Variants in CADM1 observed in about 807,000 individuals in gnomAD.
CADM1 encodes the protein TSLC-1.
CADM1 carries 15 observed loss-of-function variants against 53.1 expected under a neutral mutation model. That is an observed-to-expected ratio of 0.28 (90% CI 0.19 to 0.44). CADM1 has a LOEUF of 0.44. Ranked by LOEUF, CADM1 falls within the 20% of genes least tolerant of loss-of-function variation. The pLI is 1.00. For synonymous variants in CADM1, 281 were observed against 243.0 expected (o/e 1.16, Z -1.45); for missense variants, 434 against 611.3 (o/e 0.71, Z 3.06).
intron 1 of CADM1, among the ~76,000 whole-genome samples, chr11:115,468,793 A>G (rs988682134): frequency 2.6e-5 from 4 of 152,186 alleles, no homozygotes; most frequent in Non-Finnish European, 1.5e-5. Flanking sequence ...GACATACCTG[A>G]GACTAGGTAA....
intron 1 of CADM1, among the ~76,000 whole-genome samples, chr11:115,329,169 T>C (rs992442868): frequency 5.3e-5 from 8 of 152,016 alleles, no homozygotes; most frequent in African/African-American, 1.9e-4. Flanking sequence ...GTTTTCTAGT[T>C]AGAAAAAAAA....
At chr11:115,469,688 T>TC (rs11390594) in intron 1 of CADM1, among the ~76,000 whole-genome samples, 21 of 149,604 alleles carry the variant, frequency 1.4e-4, no homozygotes, top group East Asian at 5.9e-4. Context: ...TTTTTTTTTT[T>TC]CGAGACAGAG....
At chr11:115,445,548 C>G (rs1214892603) in intron 1 of CADM1, among the ~76,000 whole-genome samples, 3 of 151,534 alleles carry the variant, frequency 2.0e-5, no homozygotes, top group African/African-American at 7.3e-5. Context: ...AAGTTACTAA[C>G]AAGAAATTTA....
At chr11:115,208,838 C>T (rs1940817683) in intron 8 of CADM1, among the ~76,000 whole-genome samples, 1 of 152,116 alleles carries the variant, frequency 6.6e-6, no homozygotes, top group African/African-American at 2.4e-5. Flanking sequence ...CACTGGATGC[C>T]AGGAAGGGCT....
chr11:115,229,218 T>A lies in CADM1; in HGVS notation c.616A>T (p.Met206Leu), dbSNP rs887534250. 8 of 1,613,962 alleles carry A rather than the reference T, an allele frequency of 5.0e-6. No homozygotes were observed. The African/African-American group carries it at 9.3e-5, about 19-fold the overall frequency. The change falls in exon 5 of 12, where the codon ATG becomes TTG. Residue 206 changes from methionine to leucine, a missense_variant. Physicochemically the swap from Met to Leu is conservative, Grantham distance 15. Around this residue, in one of 4 missense-constraint regions of CADM1, gnomAD observed 311 missense variants for 435.1 expected, o/e 0.71. Coordinates refer to ENST00000331581, the MANE Select transcript of CADM1 (RefSeq NM_001301043.2). ...TCGTCCTCCTTGTGCACCTTCAGCATCAGCTGACTGGTCACAGTGTACATG... is the reference window on the plus strand; with the variant it reads ...TCGTCCTCCTTGTGCACCTTCAGCAACAGCTGACTGGTCACAGTGTACATG... ...SDMYTVTSQL[M>L]LKVHKEDDGV...
chr11:115,477,988 A>G (rs1368868035), intron 1 of CADM1, among the ~76,000 whole-genome samples: 1 of 152,236 alleles, frequency 6.6e-6, no homozygotes, highest in African/African-American at 2.4e-5. Flanking sequence ...TCTACTCAAA[A>G]TTAATTGCCT....
intron 1 of CADM1, among the ~76,000 whole-genome samples, chr11:115,406,661 A>G (rs760010625): frequency 1.3e-5 from 2 of 150,432 alleles, no homozygotes; most frequent in Non-Finnish European, 3.0e-5. Flanking sequence ...TTAAGAAGTG[A>G]TATGGCCAGG....
intron 1 of CADM1, among the ~76,000 whole-genome samples, chr11:115,302,625 TAAAAAAAG>T (rs1386708720): frequency 6.6e-6 from 1 of 151,922 alleles, no homozygotes; most frequent in Non-Finnish European, 1.5e-5. Context: ...TTTTCTTACC[TAAAAAAAG>T]AAAAAAAGAA....
chr11:115,187,557 C>G (rs912926171), intron 10 of CADM1, among the ~76,000 whole-genome samples: 11 of 152,258 alleles, frequency 7.2e-5, no homozygotes, highest in African/African-American at 2.6e-4. Context: ...CCCCTGCTCC[C>G]CCGCCCCCAA....
chr11:115,281,222 T>C (rs1943575249), intron 1 of CADM1, among the ~76,000 whole-genome samples: 1 of 152,210 alleles, frequency 6.6e-6, no homozygotes, highest in East Asian at 1.9e-4. Context: ...TGTCAAGCTA[T>C]TCTGAACAGA....
rs1239613442 is a variant in CADM1, at chr11:115,231,465, A to G, written c.450T>C (p.Asp150=). ...CTTCCACCGCAGTGTCTTTCTGGATATCGATCATCAGATTACGTGGTGGGA... is the reference window on the plus strand; with the variant it reads ...CTTCCACCGCAGTGTCTTTCTGGATGTCGATCATCAGATTACGTGGTGGGA... The part of the protein sequence containing the change: ...VLVPPRNLMI[D]IQKDTAVEGE... Residue 150 remains aspartate (D), a synonymous_variant, in exon 4 of 12, where the codon GAT becomes GAC. Coordinates refer to ENST00000331581, the MANE Select transcript of CADM1 (RefSeq NM_001301043.2). 5 of 1,614,080 alleles carry G rather than the reference A, an allele frequency of 3.1e-6. No individual in the cohort carries two copies. The highest frequency in any genetic ancestry group is 4.2e-6 in the Non-Finnish European group (5 of 1,179,942).
At chr11:115,195,942 C>T (rs1269238785) in intron 9 of CADM1, among the ~76,000 whole-genome samples, 1 of 152,136 alleles carries the variant, frequency 6.6e-6, no homozygotes, top group Admixed American at 6.5e-5. Context: ...CAGGGATCAG[C>T]CTAGATTATC....
At position 115,178,633 on chromosome 11, in the gene CADM1, G is replaced by A. The variant is rs1939155721; in HGVS notation, c.1297+11C>T. 1.9e-6 allele frequency: 3 copies of A among 1,612,162 alleles called. No individual in the cohort carries two copies. The highest frequency in any genetic ancestry group is 2.7e-5 in the African/African-American group (2 of 74,870). On this transcript the variant is annotated intron_variant, in intron 11 of 11. Transcript: ENST00000331581. ...GGACACGCTGCTTCTGTCTGCTGAA[G>A]CTTTGCTTACCTTTATGTCTGGCAA...
At position 115,175,293 on chromosome 11, in the gene CADM1, T is replaced by A. The variant is rs1383294315; in HGVS notation, c.*1181A>T. On this transcript the variant is annotated 3_prime_UTR_variant, in exon 12 of 12. Transcript: ENST00000331581. ...AATGAAAGTTTCACACAGATTCGAG[T>A]TGGAAATCCCAGCATGACAAATATC... is the stretch of plus-strand genomic sequence containing the variant. 19 of 985,456 alleles carry A rather than the reference T, an allele frequency of 1.9e-5. No homozygotes were observed. The highest frequency in any genetic ancestry group is 2.2e-5 in the Non-Finnish European group (18 of 829,894). The allele number at this position is 985,456 out of a possible 1,614,324, so 61.0% of individuals were successfully genotyped here. A position where few individuals can be genotyped will look rare whatever the true frequency, so the allele number is the denominator to read the frequency against.
chr11:115,210,504 G>A (rs955770000), intron 7 of CADM1, among the ~76,000 whole-genome samples: 1 of 152,104 alleles, frequency 6.6e-6, no homozygotes, highest in Non-Finnish European at 1.5e-5. Flanking sequence ...GGAGACAAGG[G>A]AGGGGCAAAT....
At chr11:115,253,899 T>C (rs1423383313) in intron 1 of CADM1, among the ~76,000 whole-genome samples, 2 of 152,250 alleles carry the variant, frequency 1.3e-5, no homozygotes, top group Non-Finnish European at 2.9e-5. Flanking sequence ...TTCCTTCATT[T>C]GATTTTGATC....
chr11:115,275,275 A>G (rs1943413205), intron 1 of CADM1, among the ~76,000 whole-genome samples: 1 of 152,010 alleles, frequency 6.6e-6, no homozygotes, highest in Non-Finnish European at 1.5e-5. Context: ...TGGCTGCCCA[A>G]TCAATTCCAA....
chr11:115,335,265 C>T (rs1447139486), intron 1 of CADM1, among the ~76,000 whole-genome samples: 2 of 152,016 alleles, frequency 1.3e-5, no homozygotes, highest in Non-Finnish European at 2.9e-5. Flanking sequence ...AAACCCATCG[C>T]GTGTTAACAC....
rs148392847 is a variant in CADM1, at chr11:115,291,964, G to A, written c.125-51544C>T. On this transcript the variant is annotated intron_variant, in intron 1 of 11. Coordinates refer to ENST00000331581, the MANE Select transcript of CADM1 (RefSeq NM_001301043.2). ...TTCTTTGGCATTTCTGAGAATATAG[G>A]TGTCTGCATGACATTAGGAAGTAAT... 3.0e-3 allele frequency among the ~76,000 whole-genome samples: 455 copies of A among 152,294 alleles called. 2 individuals are homozygous for A. Among genetic ancestry groups the A allele is most frequent in the African/African-American group, 9.7e-3 (404 of 41,556 alleles).
Sources: allele counts gnomAD v4.1 joint callset (sites outside exome capture counted in the v4.1 genomes callset), GRCh38; gene constraint gnomAD v4.1.1; regional missense constraint gnomAD v4.1.1; transcripts MANE v1.5; gene names NCBI Gene and HGNC (gene_info 2026-07-23, HGNC 2026-07-21).